Variants in MAPK8IP3 observed in about 807,000 individuals in gnomAD.
MAPK8IP3 encodes the protein C-Jun-amino-terminal kinase-interacting protein 3.
In MAPK8IP3, 49 loss-of-function variants were observed where a neutral mutation model predicts 157.8. The ratio of observed to expected loss-of-function variants is 0.31; its 90% CI spans 0.25 to 0.39. The LOEUF is 0.39. Among genes scored for constraint, MAPK8IP3 ranks in the 10% least tolerant of loss-of-function variants. The pLI, the probability that MAPK8IP3 is intolerant of heterozygous loss-of-function variation, is 1.00. For missense variants in MAPK8IP3, 1,478 were observed against 1,889.4 expected (o/e 0.78, Z 4.04); for synonymous variants, 897 against 777.7 (o/e 1.15, Z -2.55).
In MAPK8IP3 at chr16:1,724,344, G is replaced by A. The variant is rs1045544477; in HGVS notation, c.319-213G>A. Among the ~76,000 whole-genome samples the A allele has an allele frequency of 6.6e-6, 1 of 152,198 alleles. No homozygotes were observed. The highest frequency in any genetic ancestry group is 1.9e-4 in the East Asian group (1 of 5,170). On this transcript the variant is annotated intron_variant, in intron 1 of 31. Transcript: ENST00000610761. This position sits in a 1 kb window ranked among gnomAD's most constrained non-coding sequence, Gnocchi z 4.1. ...TCATGCAGTCCTGGAGGGCTCTCCC[G>A]CCCTGCCCTCATGGCTCCTCACTGT...
chr16:1,770,242 C>T lies in MAPK8IP3; in HGVS notation c.*1418C>T, dbSNP rs1187258952. 1.8e-5 allele frequency: 3 copies of T among 165,520 alleles called. No homozygotes were observed. The highest frequency in any genetic ancestry group is 4.8e-5 in the African/African-American group (2 of 41,938). 10.3% of individuals were successfully genotyped at this position (165,520 alleles called of 1,614,324 possible). ...AGTGGGGCGGCTGGGGGAGGGGTGACGATTCTCCTCAGGCTTTGGCCCTGC... is the reference window on the plus strand; with the variant it reads ...AGTGGGGCGGCTGGGGGAGGGGTGATGATTCTCCTCAGGCTTTGGCCCTGC... On this transcript the variant is annotated 3_prime_UTR_variant, in exon 32 of 32. Coordinates refer to ENST00000610761, the MANE Select transcript of MAPK8IP3 (RefSeq NM_001318852.2).
chr16:1,744,437 C>T, intron 5 of MAPK8IP3: 1 of 985,920 alleles, frequency 1.0e-6, no homozygotes, highest in Non-Finnish European at 1.2e-6. Context: ...TCCGTCAGCC[C>T]ACCTGCTGCT....
At chr16:1,760,593 G>T in intron 12 of MAPK8IP3, 61 bp downstream of exon 12, 1 of 1,555,538 alleles carries the variant, frequency 6.4e-7, no homozygotes, top group East Asian at 2.3e-5. Context: ...CTCTGGAGTG[G>T]CTGCCTCCTC....
At chr16:1,759,242 G>T (rs543828018) in intron 10 of MAPK8IP3, among the ~76,000 whole-genome samples, 1 of 148,508 alleles carries the variant, frequency 6.7e-6, no homozygotes, top group Admixed American at 6.6e-5. Flanking sequence ...CCCCACAAGC[G>T]CCGGGCAGAC....
At chr16:1,757,742 C>T (rs952083264) in intron 8 of MAPK8IP3, among the ~76,000 whole-genome samples, 4 of 151,828 alleles carry the variant, frequency 2.6e-5, no homozygotes, top group Non-Finnish European at 4.4e-5. Context: ...TCTCCCTCGC[C>T]GCTCTCTCCC....
At chr16:1,760,885 AG>A (rs2041894414) in intron 12 of MAPK8IP3, among the ~76,000 whole-genome samples, 1 of 152,180 alleles carries the variant, frequency 6.6e-6, no homozygotes, top group Non-Finnish European at 1.5e-5. Context: ...GGGCGCTCCG[AG>A]ACCATGCCTC....
In MAPK8IP3 at chr16:1,767,265, C is replaced by G; in HGVS notation, c.3205C>G (p.His1069Asp). ...RVWCGYKNKV[H>D]VIQPKTMQIE... ...GTGGTGTGGCTACAAGAACAAGGTG[C>G]ACGTCATCCAGCCCAAGACCATGCA... The change falls in exon 26 of 32, where the codon CAC (histidine) becomes GAC (aspartate). Residue 1069 changes from histidine to aspartate, a missense_variant. Physicochemically the swap from His to Asp is moderately conservative, Grantham distance 81. Transcript: ENST00000610761. 6.2e-7 allele frequency: 1 copy of G among 1,613,266 alleles called. No homozygotes were observed. The highest frequency in any genetic ancestry group is 8.5e-7 in the Non-Finnish European group (1 of 1,179,996).
rs540529893 is a variant in MAPK8IP3, at chr16:1,719,978, C to T, written c.319-4579C>T. On this transcript the variant is annotated intron_variant, in intron 1 of 31. Coordinates refer to ENST00000610761, the MANE Select transcript of MAPK8IP3 (RefSeq NM_001318852.2). The stretch of plus-strand genomic sequence containing the variant: ...GAAGAGTCACTTAGCAGTGCATGAC[C>T]GCAGCCTCAGAGAGCAGGAAGCCAG... Among the ~76,000 whole-genome samples the T allele has an allele frequency of 9.2e-5, 14 of 152,258 alleles. No homozygotes were observed. In the East Asian group the frequency reaches 2.1e-3, roughly 23 times the overall value.
rs1256966076 is a variant in MAPK8IP3 at position 1,729,219 on chromosome 16, A to C, written c.510+11A>C. 2 of 1,613,736 alleles carry C rather than the reference A, an allele frequency of 1.2e-6. No individual in the cohort carries two copies. Among genetic ancestry groups the C allele is most frequent in the Non-Finnish European group, 1.7e-6 (2 of 1,179,966 alleles). On this transcript the variant is annotated intron_variant, in intron 3 of 31. Coordinates refer to ENST00000610761, the MANE Select transcript of MAPK8IP3 (RefSeq NM_001318852.2). ...CAGCGGCACACAGAGGTGGGCGCCC[A>C]GAGGCAAGCGCGGAGACGAGGGTTG...
At chr16:1,760,730 C>T (rs879546970) in intron 12 of MAPK8IP3, among the ~76,000 whole-genome samples, 198 bp downstream of exon 12, 20 of 152,344 alleles carry the variant, frequency 1.3e-4, no homozygotes, top group Non-Finnish European at 2.1e-4. Context: ...CTACAGCACA[C>T]GCTGGGCCTG....
intron 4 of MAPK8IP3, among the ~76,000 whole-genome samples, chr16:1,737,070 G>C (rs1254395780): frequency 1.1e-5 from 1 of 87,270 alleles, no homozygotes; most frequent in Non-Finnish European, 2.3e-5. Flanking sequence ...GCGTCCGTGT[G>C]AGCGTGTGAC....
intron 10 of MAPK8IP3, among the ~76,000 whole-genome samples, chr16:1,759,447 G>A (rs2041809350): frequency 6.6e-6 from 1 of 152,150 alleles, no homozygotes; most frequent in South Asian, 2.1e-4. Context: ...ATGCTTGCAG[G>A]GAGATCAGTC....
Position 1,730,671 on chromosome 16 carries a change from A to G in MAPK8IP3, c.602+1093A>G, listed in dbSNP as rs368348061. 4.7e-3 allele frequency among the ~76,000 whole-genome samples: 717 copies of G among 152,170 alleles called. 7 individuals are homozygous for G. Among genetic ancestry groups the G allele is most frequent in the Non-Finnish European group, 4.0e-3 (272 of 67,980 alleles). ...ATCCTGGCTAACATGTTGAAACCCCATCTCTACTAAAAATATAAAAAATTA... is the reference window on the plus strand; with the variant it reads ...ATCCTGGCTAACATGTTGAAACCCCGTCTCTACTAAAAATATAAAAAATTA... On this transcript the variant is annotated intron_variant, in intron 4 of 31. Coordinates refer to ENST00000610761, the MANE Select transcript of MAPK8IP3 (RefSeq NM_001318852.2).
In MAPK8IP3 at chr16:1,768,413, T is replaced by G. The variant is rs373412381; in HGVS notation, c.3742+35T>G. The G allele has an allele frequency of 1.9e-5, 30 of 1,598,116 alleles. No homozygotes were observed. In the African/African-American group the frequency reaches 3.7e-4, roughly 20 times the overall value. ...GGCCCCTCCTGCCATCCACATCCCC[T>G]GCATGCCAGTGGCCGCCGCCTCCCC... On this transcript the variant is annotated intron_variant, in intron 30 of 31. Transcript: ENST00000610761.
At position 1,766,910 on chromosome 16, in the gene MAPK8IP3, C is replaced by G; in HGVS notation, c.3027C>G (p.Val1009=). The change falls in exon 25 of 32, where the codon GTC becomes GTG. Residue 1009 remains valine, a synonymous_variant. Coordinates refer to ENST00000610761, the MANE Select transcript of MAPK8IP3 (RefSeq NM_001318852.2). ...CACCGCATTCCTGTTTCAGGCATGT[C>G]AAAGGCCGTGTGCTGGTGGCTCTGG... ...LKDSVLSLVH[V]KGRVLVALAD... 1 of 1,602,722 alleles carries G rather than the reference C, an allele frequency of 6.2e-7. No homozygotes were observed. The highest frequency in any genetic ancestry group is 1.7e-5 in the Admixed American group (1 of 59,558).
intron 4 of MAPK8IP3, among the ~76,000 whole-genome samples, chr16:1,739,623 CGTGT>C: frequency 8.5e-6 from 1 of 117,790 alleles, no homozygotes; most frequent in Admixed American, 9.4e-5. Context: ...TGTGACCGTC[CGTGT>C]GAGCTTCCGT....
Position 1,706,313 on chromosome 16 carries a change from G to A in MAPK8IP3, c.-27G>A. The A allele has an allele frequency of 1.3e-6, 2 of 1,524,656 alleles. No homozygotes were observed. Among genetic ancestry groups the A allele is most frequent in the Non-Finnish European group, 1.8e-6 (2 of 1,136,264 alleles). 94.4% of individuals were successfully genotyped at this position (1,524,656 alleles called of 1,614,324 possible). On this transcript the variant is annotated 5_prime_UTR_variant, in exon 1 of 32. Transcript: ENST00000610761. This position sits in a 1 kb window ranked among gnomAD's most constrained non-coding sequence, Gnocchi z 5.1. Reference sequence around the variant, plus strand: ...GCCGGGCGCGCCGGCCGGATAGCGAGCCGCGCTGGCGGCGGCGGTGGCCGC... The same window carrying A: ...GCCGGGCGCGCCGGCCGGATAGCGAACCGCGCTGGCGGCGGCGGTGGCCGC...
At chr16:1,768,150 ACT>A (rs1441655421) in intron 29 of MAPK8IP3, 43 bp downstream of exon 29, 1 of 1,611,784 alleles carries the variant, frequency 6.2e-7, no homozygotes, top group Admixed American at 1.7e-5. Flanking sequence ...AGCCTCTCCC[ACT>A]CTCCACCTGT....
At chr16:1,761,090 AG>A in intron 12 of MAPK8IP3, 133 bp from the exon 13 acceptor site, 1 of 708,308 alleles carries the variant, frequency 1.4e-6, no homozygotes, top group Non-Finnish European at 2.5e-6. Context: ...CGGCTGCTGA[AG>A]GGGTCCCTGT....
Sources: allele counts gnomAD v4.1 joint callset (sites outside exome capture counted in the v4.1 genomes callset), GRCh38; gene constraint gnomAD v4.1.1; non-coding constraint Gnocchi (gnomAD v3.1); transcripts MANE v1.5; gene names NCBI Gene and HGNC (gene_info 2026-07-23, HGNC 2026-07-21).